The following DOCK5 variants were observed in gnomAD, a reference collection of about 807,000 sequenced individuals.
DOCK5 encodes dedicator of cytokinesis protein 5.
In DOCK5, 142 loss-of-function variants were observed where a neutral mutation model predicts 251.8. That is an observed-to-expected ratio of 0.56 (90% CI 0.49 to 0.65). DOCK5 has a LOEUF of 0.65. Among genes scored for constraint, DOCK5 ranks in the 30% least tolerant of loss-of-function variants. DOCK5 has a pLI of 0.00. For missense variants in DOCK5, 2,111 were observed against 2,312.3 expected, an observed-to-expected ratio of 0.91 and a Z score of 1.79; for synonymous variants, 842 against 835.5, an observed-to-expected ratio of 1.01 and a Z score of -0.13.
chr8:25,279,007 G>A (rs1382284216), intron 5 of DOCK5, among the ~76,000 whole-genome samples: 1 of 152,300 alleles, frequency 6.6e-6, no homozygotes, highest in Middle Eastern at 3.4e-3. Flanking sequence ...TAAAGTAGGT[G>A]CAATTATTAT....
chr8:25,364,741 T>A (rs774554385), intron 30 of DOCK5, 37 bp downstream of exon 30: 5 of 1,467,398 alleles, frequency 3.4e-6, no homozygotes, highest in Non-Finnish European at 4.7e-6. Context: ...TCTAGAATTC[T>A]TGGCCATGGC....
Position 25,184,960 on chromosome 8 carries a change from G to A in DOCK5, c.43+9G>A. On this transcript the variant is annotated intron_variant, in intron 1 of 51. Coordinates refer to ENST00000276440, the MANE Select transcript of DOCK5 (RefSeq NM_024940.8). Reference sequence around the variant, plus strand: ...GCAGAAGTACGGGGTTGGTGAGTGCGCGCCCCACCTTGTCCCGGCCCGACC... The same window carrying A: ...GCAGAAGTACGGGGTTGGTGAGTGCACGCCCCACCTTGTCCCGGCCCGACC... 2.1e-6 allele frequency: 3 copies of A among 1,408,112 alleles called. No individual in the cohort carries two copies. Among genetic ancestry groups the A allele is most frequent in the Middle Eastern group, 2.1e-4 (1 of 4,826 alleles). 87.2% of individuals were successfully genotyped at this position (1,408,112 alleles called of 1,614,324 possible). A position where few individuals can be genotyped will look rare whatever the true frequency, so the allele number is the denominator to read the frequency against.
chr8:25,234,820 A>C (rs1238541105), intron 1 of DOCK5, among the ~76,000 whole-genome samples: 1 of 152,232 alleles, frequency 6.6e-6, no homozygotes, highest in African/African-American at 2.4e-5. Flanking sequence ...GCTTTGCTCT[A>C]ATCAAAGACA....
At chr8:25,385,249 G>A (rs1179021585) in intron 40 of DOCK5, among the ~76,000 whole-genome samples, 1 of 152,132 alleles carries the variant, frequency 6.6e-6, no homozygotes, top group Non-Finnish European at 1.5e-5. Context: ...AAGGTCATCT[G>A]GCTTTTGTCT....
chr8:25,384,463 A>T (rs35437234), intron 40 of DOCK5, among the ~76,000 whole-genome samples: 27,953 of 134,830 alleles, frequency 0.21, 3,717 homozygotes, highest in Non-Finnish European at 0.27. Context: ...TTATTTATTT[A>T]TTTTTTTTTT....
Position 25,377,231 on chromosome 8 carries a change from A to G in DOCK5, c.3817-74A>G, listed in dbSNP as rs542702872. Reference sequence around the variant, plus strand: ...TACAAAATCAATGAGTCAAATATATATACAATATTTTCTTGATGTTGGGGG... The same window carrying G: ...TACAAAATCAATGAGTCAAATATATGTACAATATTTTCTTGATGTTGGGGG... On this transcript the variant is annotated intron_variant, in intron 37 of 51. Coordinates refer to ENST00000276440, the MANE Select transcript of DOCK5 (RefSeq NM_024940.8). The G allele has an allele frequency of 1.1e-5, 17 of 1,496,982 alleles. No homozygotes were observed. The East Asian group carries it at 3.3e-4, about 29-fold the overall frequency. 92.7% of individuals were successfully genotyped at this position (1,496,982 alleles called of 1,614,324 possible).
chr8:25,321,785 C>T (rs1360884100), intron 16 of DOCK5, among the ~76,000 whole-genome samples: 2 of 152,082 alleles, frequency 1.3e-5, no homozygotes, highest in East Asian at 3.9e-4. Context: ...TTGAGGTCCC[C>T]TGCTCTAAGA....
In DOCK5 at chr8:25,364,732, C is replaced by T. The variant is rs1374422340; in HGVS notation, c.3123+28C>T. ...AGGCATGTGACTCACCTACCTGCTTCTAGAATTCTTGGCCATGGCAAGAGA... is the reference window on the plus strand; with the variant it reads ...AGGCATGTGACTCACCTACCTGCTTTTAGAATTCTTGGCCATGGCAAGAGA... On this transcript the variant is annotated intron_variant, in intron 30 of 51. Coordinates refer to ENST00000276440, the MANE Select transcript of DOCK5 (RefSeq NM_024940.8). The T allele has an allele frequency of 2.0e-6, 3 of 1,524,278 alleles. No homozygotes were observed. The African/African-American group carries it at 4.1e-5, about 21-fold the overall frequency. The allele number at this position is 1,524,278 out of a possible 1,614,324, so 94.4% of individuals were successfully genotyped here.
At chr8:25,320,906 C>T (rs1421198657) in intron 15 of DOCK5, 74 bp from the exon 16 acceptor site, 1 of 1,338,362 alleles carries the variant, frequency 7.5e-7, no homozygotes, top group African/African-American at 1.4e-5. Context: ...AAAATTGAGC[C>T]TAATTCCATG....
At chr8:25,237,664 G>A (rs1802836933) in intron 1 of DOCK5, among the ~76,000 whole-genome samples, 1 of 152,184 alleles carries the variant, frequency 6.6e-6, no homozygotes, top group Non-Finnish European at 1.5e-5. Context: ...CCAGCAATTT[G>A]TCTTTCCCAG....
At chr8:25,199,013 C>T (rs116707105) in intron 1 of DOCK5, among the ~76,000 whole-genome samples, 6 of 152,250 alleles carry the variant, frequency 3.9e-5, no homozygotes, top group African/African-American at 1.4e-4. Context: ...AGGTTTGAGC[C>T]TGCAAAGTGG....
intron 22 of DOCK5, among the ~76,000 whole-genome samples, chr8:25,339,009 G>T (rs1159458556): frequency 1.3e-5 from 2 of 152,164 alleles, no homozygotes; most frequent in Non-Finnish European, 2.9e-5. Context: ...ATTACACACT[G>T]TCTGTGATGG....
intron 2 of DOCK5, among the ~76,000 whole-genome samples, chr8:25,245,119 C>T (rs1165462541): frequency 2.6e-5 from 4 of 152,170 alleles, no homozygotes; most frequent in Non-Finnish European, 4.4e-5. Flanking sequence ...TGCAGTGACA[C>T]GATCTCAGCT....
At chr8:25,351,962 C>T in intron 27 of DOCK5, 136 bp downstream of exon 27, 3 of 638,764 alleles carry the variant, frequency 4.7e-6, no homozygotes, top group Non-Finnish European at 8.2e-6. Context: ...TGGTTATAAC[C>T]TTAGCAGATC....
intron 25 of DOCK5, 84 bp from the exon 26 acceptor site, chr8:25,345,391 G>A: frequency 3.2e-6 from 5 of 1,564,550 alleles, no homozygotes; most frequent in Non-Finnish European, 4.3e-6. Context: ...TACTGGTACT[G>A]GTCGAGGAAG....
chr8:25,359,989 T>C (rs1409721881), intron 28 of DOCK5, among the ~76,000 whole-genome samples: 1 of 152,238 alleles, frequency 6.6e-6, no homozygotes, highest in Non-Finnish European at 1.5e-5. Flanking sequence ...GAAGGTGTTA[T>C]TAGACTTTGC....
At chr8:25,267,850 G>A (rs994301044) in intron 2 of DOCK5, among the ~76,000 whole-genome samples, 1 of 151,868 alleles carries the variant, frequency 6.6e-6, no homozygotes, top group Non-Finnish European at 1.5e-5. Flanking sequence ...CTATAGGGGT[G>A]TGTACCTTTA....
At chr8:25,407,796 C>A (rs1048830620) in intron 48 of DOCK5, among the ~76,000 whole-genome samples, 187 bp from the exon 49 acceptor site, 3 of 143,988 alleles carry the variant, frequency 2.1e-5, no homozygotes, top group Middle Eastern at 6.8e-3. Context: ...ACTCAGAAGT[C>A]AAGGTTATAG....
intron 35 of DOCK5, among the ~76,000 whole-genome samples, chr8:25,373,095 G>A (rs1200239397): frequency 6.6e-6 from 1 of 151,842 alleles, no homozygotes; most frequent in African/African-American, 2.4e-5. Flanking sequence ...CGCCTCCTGG[G>A]ATCAAGCAAT....
Sources: allele counts gnomAD v4.1 joint callset (sites outside exome capture counted in the v4.1 genomes callset), GRCh38; gene constraint gnomAD v4.1.1; transcripts MANE v1.5; gene names NCBI Gene and HGNC (gene_info 2026-07-23, HGNC 2026-07-21).